FSTL5: variants seen among roughly 807,000 people sequenced by gnomAD.
The protein encoded by FSTL5 is follistatin-related protein 5.
Under a neutral mutation model 89.1 loss-of-function variants are expected in FSTL5, and 62 were observed. The observed-to-expected ratio is 0.70, with a 90% CI of 0.57 to 0.86. The LOEUF (loss-of-function observed/expected upper bound fraction) is 0.86, where lower values mean the gene tolerates loss of function less well. Ranked by LOEUF, FSTL5 falls within the 40% of genes least tolerant of loss-of-function variation. The pLI is 0.00. For synonymous variants in FSTL5, 383 were observed against 346.2 expected, an observed-to-expected ratio of 1.11 and a Z score of -1.18; for missense variants, 1,057 against 1,001.6, an observed-to-expected ratio of 1.06 and a Z score of -0.75.
chr4:161,448,434 G>A (rs1319911080), intron 15 of FSTL5, among the ~76,000 whole-genome samples: 1 of 152,108 alleles, frequency 6.6e-6, no homozygotes, highest in African/African-American at 2.4e-5. Flanking sequence ...GAGTTGTCTT[G>A]ATATATGGTT....
chr4:161,420,812 T>C lies in FSTL5; in HGVS notation c.1841+34192A>G, dbSNP rs181957530. 1.3e-3 allele frequency among the ~76,000 whole-genome samples: 192 copies of C among 150,464 alleles called. 1 individual carries two copies. Among genetic ancestry groups the C allele is most frequent in the South Asian group, 3.3e-3 (16 of 4,794 alleles). Reference sequence around the variant, plus strand: ...GTATTGAATATATGAATATTGAATATATAAATACATGAGATTTATTATATC... The same window carrying C: ...GTATTGAATATATGAATATTGAATACATAAATACATGAGATTTATTATATC... On this transcript the variant is annotated intron_variant, in intron 15 of 15. Coordinates refer to ENST00000306100, the MANE Select transcript of FSTL5 (RefSeq NM_020116.5).
intron 1 of FSTL5, among the ~76,000 whole-genome samples, chr4:162,152,641 G>C (rs545628109): frequency 6.6e-6 from 1 of 152,048 alleles, no homozygotes; most frequent in Non-Finnish European, 1.5e-5. Context: ...CCCTAATAAT[G>C]CCATAGTGTC....
chr4:161,968,618 C>A (rs1234324320), intron 3 of FSTL5, among the ~76,000 whole-genome samples: 2 of 151,792 alleles, frequency 1.3e-5, no homozygotes, highest in Non-Finnish European at 2.9e-5. Flanking sequence ...AGAAGGGATC[C>A]CAGAGATGTT....
At chr4:161,473,166 C>T (rs1417999124) in intron 13 of FSTL5, among the ~76,000 whole-genome samples, 1 of 152,054 alleles carries the variant, frequency 6.6e-6, no homozygotes, top group African/African-American at 2.4e-5. Flanking sequence ...TCTGTTAGAT[C>T]TGTTGGTTTA....
In FSTL5 at chr4:161,385,755, C is replaced by A; in HGVS notation, c.2536G>T (p.Asp846Tyr). Residue 846 changes from aspartate (D) to tyrosine (Y), a missense_variant, in exon 16 of 16, where the codon GAT becomes TAT. Asp to Tyr is a radical substitution (Grantham distance 160). Transcript: ENST00000306100. ...ATTGTATCGTAGGGTTTTTAGGCAT[C>A]TCCAACCCAAATGACTGTATTTCCT... is the stretch of plus-strand genomic sequence containing the variant. Reference protein sequence around the residue: ...EKGNTVIWVGDA With the variant: ...EKGNTVIWVGYA 1.3e-6 allele frequency: 2 copies of A among 1,591,138 alleles called. No homozygotes were observed. Among genetic ancestry groups the A allele is most frequent in the South Asian group, 1.2e-5 (1 of 86,912 alleles).
At chr4:161,905,037 C>T (rs948192808) in intron 4 of FSTL5, among the ~76,000 whole-genome samples, 1 of 151,952 alleles carries the variant, frequency 6.6e-6, no homozygotes, top group Non-Finnish European at 1.5e-5. Flanking sequence ...TATGCTTTAA[C>T]AAGCCTAATA....
intron 3 of FSTL5, among the ~76,000 whole-genome samples, chr4:161,928,537 A>G (rs1449584783): frequency 6.6e-6 from 1 of 151,822 alleles, no homozygotes; most frequent in Non-Finnish European, 1.5e-5. Context: ...TCCCACCAGC[A>G]ATGAATGAGA....
chr4:161,998,630 C>A (rs1404883787), intron 3 of FSTL5, among the ~76,000 whole-genome samples: 1 of 152,124 alleles, frequency 6.6e-6, no homozygotes, highest in African/African-American at 2.4e-5. Context: ...GTGTCTAGTA[C>A]AATTTTTCTC....
chr4:162,064,253 C>G (rs1738815839), intron 2 of FSTL5, among the ~76,000 whole-genome samples: 1 of 151,936 alleles, frequency 6.6e-6, no homozygotes, highest in Non-Finnish European at 1.5e-5. Flanking sequence ...TTGGTACCTG[C>G]ATGATATTTT....
chr4:161,834,398 G>A (rs1185062279), intron 4 of FSTL5, among the ~76,000 whole-genome samples: 1 of 152,118 alleles, frequency 6.6e-6, no homozygotes, highest in Admixed American at 6.6e-5. Context: ...GCACAAGACA[G>A]GGATGCCCTC....
chr4:161,537,528 T>C (rs1731665652), intron 10 of FSTL5, among the ~76,000 whole-genome samples: 1 of 152,190 alleles, frequency 6.6e-6, no homozygotes, highest in Non-Finnish European at 1.5e-5. Context: ...ATCCCCACCC[T>C]ATCTCTACCC....
intron 2 of FSTL5, among the ~76,000 whole-genome samples, chr4:162,104,887 AAG>A (rs1172028448): frequency 6.6e-6 from 1 of 152,198 alleles, no homozygotes; most frequent in African/African-American, 2.4e-5. Context: ...GGAAGGTAAA[AAG>A]AGGACAGAGG....
chr4:161,776,292 C>A (rs530379811), intron 4 of FSTL5, among the ~76,000 whole-genome samples: 1 of 152,076 alleles, frequency 6.6e-6, no homozygotes, highest in African/African-American at 2.4e-5. Flanking sequence ...CAACATATTT[C>A]TTTGTAGTTT....
intron 8 of FSTL5, among the ~76,000 whole-genome samples, chr4:161,579,721 CA>C (rs1733359013): frequency 3.3e-5 from 1 of 30,522 alleles, no homozygotes; most frequent in African/African-American, 1.5e-4. Context: ...TTTCAAAAAA[CA>C]AAAACAAACA....
chr4:161,775,458 C>T (rs188956039), intron 5 of FSTL5, among the ~76,000 whole-genome samples: 38 of 152,218 alleles, frequency 2.5e-4, no homozygotes, highest in Non-Finnish European at 5.0e-4. Flanking sequence ...TATCTTAAAT[C>T]ATTTATATAC....
At chr4:161,959,690 G>T (rs17041790) in intron 3 of FSTL5, among the ~76,000 whole-genome samples, 1,667 of 152,246 alleles carry the variant, frequency 0.011, 28 homozygotes, top group African/African-American at 0.038. Context: ...TTGGTATGCA[G>T]ATTTTTTTAG....
At chr4:162,060,784 A>T (rs147976916) in intron 2 of FSTL5, among the ~76,000 whole-genome samples, 1 of 152,216 alleles carries the variant, frequency 6.6e-6, no homozygotes, top group African/African-American at 2.4e-5. Context: ...TTTTTGAGAA[A>T]AATTTATTTA....
intron 3 of FSTL5, among the ~76,000 whole-genome samples, chr4:161,937,504 A>G (rs549239963): frequency 2.4e-4 from 36 of 152,290 alleles, no homozygotes; most frequent in Admixed American, 9.8e-4. Flanking sequence ...TGAAGACAAA[A>G]ACAATTTGCT....
chr4:161,709,278 C>T (rs549049521), intron 6 of FSTL5, among the ~76,000 whole-genome samples: 1 of 152,078 alleles, frequency 6.6e-6, no homozygotes, highest in South Asian at 2.1e-4. Context: ...AATATTGATA[C>T]ATAATTTCAA....
Sources: allele counts gnomAD v4.1 joint callset (sites outside exome capture counted in the v4.1 genomes callset), GRCh38; gene constraint gnomAD v4.1.1; transcripts MANE v1.5; gene names NCBI Gene and HGNC (gene_info 2026-07-23, HGNC 2026-07-21).